Variants in PEPD observed in about 807,000 individuals in gnomAD.
The protein encoded by PEPD is xaa-Pro dipeptidase.
PEPD carries 53 observed loss-of-function variants against 60.7 expected under a neutral mutation model. The observed-to-expected ratio is 0.87, with a 90% confidence interval of 0.70 to 1.10. PEPD has a LOEUF of 1.10. PEPD is among the 50% of genes least tolerant of loss of function. The pLI is 0.00. For missense variants in PEPD, 711 were observed against 711.9 expected, an observed-to-expected ratio of 1.00 and a Z score of 0.01; for synonymous variants, 267 against 284.1, an observed-to-expected ratio of 0.94 and a Z score of 0.60.
intron 12 of PEPD, among the ~76,000 whole-genome samples, chr19:33,400,622 G>C (rs1968465720): frequency 6.6e-6 from 1 of 152,198 alleles, no homozygotes; most frequent in Non-Finnish European, 1.5e-5. Flanking sequence ...CCTAGGGGTT[G>C]GCCAGCACAT....
In PEPD at chr19:33,455,691, T is replaced by C. The variant is rs879584658; in HGVS notation, c.671+7304A>G. 1.8e-3 allele frequency among the ~76,000 whole-genome samples: 277 copies of C among 151,348 alleles called. 4 individuals are homozygous for C. Among genetic ancestry groups the C allele is most frequent in the Admixed American group, 5.0e-3 (76 of 15,160 alleles). On this transcript the variant is annotated intron_variant, in intron 9 of 14. Coordinates refer to ENST00000244137, the MANE Select transcript of PEPD (RefSeq NM_000285.4). ...CTAATTAAAAACATTTTTTTTTTTT[T>C]TTTGTAGAGGCAGAGGTCTCCTATG...
rs980137731 is a variant in PEPD at position 33,511,413 on chromosome 19, C to T, written c.202-258G>A. 2.6e-5 allele frequency: 12 copies of T among 468,896 alleles called. 1 individual carries two copies. The highest frequency in any genetic ancestry group is 2.4e-4 in the South Asian group (12 of 50,516). The allele number at this position is 468,896 out of a possible 1,614,324, so 29.0% of individuals were successfully genotyped here. On this transcript the variant is annotated intron_variant, in intron 2 of 14. Coordinates refer to ENST00000244137, the MANE Select transcript of PEPD (RefSeq NM_000285.4). ...TGTGTCAGGCATGTGCCTGAGTCCACCTGTATCCCCACCCCCGGGCCCACA... is the reference window on the plus strand; with the variant it reads ...TGTGTCAGGCATGTGCCTGAGTCCATCTGTATCCCCACCCCCGGGCCCACA...
intron 11 of PEPD, among the ~76,000 whole-genome samples, chr19:33,410,815 C>A (rs1041144516): frequency 2.0e-5 from 3 of 152,168 alleles, no homozygotes; most frequent in Admixed American, 6.5e-5. Flanking sequence ...ACAGGGCCTG[C>A]GTGGCTGTGG....
At chr19:33,434,724 G>A (rs1969341939) in intron 9 of PEPD, among the ~76,000 whole-genome samples, 1 of 152,166 alleles carries the variant, frequency 6.6e-6, no homozygotes. Flanking sequence ...CACCCAGGGT[G>A]TCCAAATCAG....
chr19:33,442,907 T>C (rs1969511392), intron 9 of PEPD, among the ~76,000 whole-genome samples: 2 of 152,132 alleles, frequency 1.3e-5, no homozygotes, highest in African/African-American at 2.4e-5. Flanking sequence ...CCACTGGCTC[T>C]CCCCACAGAA....
intron 8 of PEPD, among the ~76,000 whole-genome samples, chr19:33,463,749 T>C (rs1043983978): frequency 6.6e-6 from 1 of 152,230 alleles, no homozygotes; most frequent in Non-Finnish European, 1.5e-5. Flanking sequence ...AGGATTAGTG[T>C]CCACGACTGC....
chr19:33,498,892 C>T (rs1039690193), intron 4 of PEPD, among the ~76,000 whole-genome samples: 3 of 151,420 alleles, frequency 2.0e-5, no homozygotes, highest in Admixed American at 6.6e-5. Flanking sequence ...GTGCCCATCC[C>T]GCCAGGGTCC....
chr19:33,404,343 G>A (rs1488851973), intron 11 of PEPD, among the ~76,000 whole-genome samples: 6 of 152,152 alleles, frequency 3.9e-5, no homozygotes, highest in East Asian at 1.9e-4. Flanking sequence ...TGGGGGACAC[G>A]GATTCCTAGG....
At chr19:33,466,106 C>T (rs1057112700) in intron 7 of PEPD, among the ~76,000 whole-genome samples, 4 of 152,182 alleles carry the variant, frequency 2.6e-5, no homozygotes, top group African/African-American at 4.8e-5. Context: ...GTATGTGGCT[C>T]TGAGAAAAAC....
intron 12 of PEPD, among the ~76,000 whole-genome samples, chr19:33,396,638 G>C (rs1339443780): frequency 1.3e-5 from 2 of 150,664 alleles, no homozygotes; most frequent in Non-Finnish European, 3.0e-5. Context: ...TGGGCCCCCA[G>C]TGACAGGGGC....
At chr19:33,432,992 T>C (rs1316008622) in intron 9 of PEPD, among the ~76,000 whole-genome samples, 3 of 152,264 alleles carry the variant, frequency 2.0e-5, no homozygotes, top group Admixed American at 2.0e-4. Context: ...CTCACTGCCA[T>C]GCTGCCTGCA....
chr19:33,408,824 A>G, intron 11 of PEPD, among the ~76,000 whole-genome samples: 1 of 152,160 alleles, frequency 6.6e-6, no homozygotes, highest in East Asian at 1.9e-4. Flanking sequence ...TTTATTATTT[A>G]CCGAACGCAG....
intron 7 of PEPD, among the ~76,000 whole-genome samples, chr19:33,470,351 A>C (rs1472023156): frequency 6.6e-6 from 1 of 152,030 alleles, no homozygotes; most frequent in Non-Finnish European, 1.5e-5. Flanking sequence ...GTAAACCTCT[A>C]GTAGAGCACA....
chr19:33,510,894 C>T, intron 3 of PEPD, 134 bp downstream of exon 3: 1 of 914,348 alleles, frequency 1.1e-6, no homozygotes. Context: ...ACAGCCCTGA[C>T]CGCATGCCCT....
intron 7 of PEPD, among the ~76,000 whole-genome samples, chr19:33,474,373 C>G (rs1568489702): frequency 6.6e-6 from 1 of 152,230 alleles, no homozygotes; most frequent in Non-Finnish European, 1.5e-5. Context: ...AGAACACTTA[C>G]CTAATACACC....
rs1232314917 is a variant in PEPD at position 33,512,761 on chromosome 19, C to T, written c.33G>A (p.Leu11=). The T allele has an allele frequency of 6.2e-7, 1 of 1,614,076 alleles. No homozygotes were observed. Among genetic ancestry groups the T allele is most frequent in the Non-Finnish European group, 8.5e-7 (1 of 1,179,988 alleles). ...GCGGCACCTTCAGGGTTTCATTCCC[C>T]AGCCAAAACGAGGGTCTGCAGAGGC... The part of the protein sequence containing the change: MAAATGPSFW[L]GNETLKVPLA... Residue 11 remains leucine, a synonymous_variant, in exon 2 of 15, where the codon CTG becomes CTA. Transcript: ENST00000244137.
chr19:33,515,150 C>G (rs774699340), intron 1 of PEPD, among the ~76,000 whole-genome samples: 1 of 152,210 alleles, frequency 6.6e-6, no homozygotes, highest in Non-Finnish European at 1.5e-5. Flanking sequence ...TGACACACAG[C>G]AAACGCTCAA....
intron 7 of PEPD, among the ~76,000 whole-genome samples, chr19:33,474,615 C>T (rs796770750): frequency 6.6e-5 from 10 of 152,052 alleles, no homozygotes; most frequent in African/African-American, 2.4e-4. Flanking sequence ...ACCCGGGAGG[C>T]GGAGGTTGCA....
intron 6 of PEPD, among the ~76,000 whole-genome samples, chr19:33,482,440 T>C (rs991774283): frequency 1.3e-5 from 2 of 152,230 alleles, no homozygotes; most frequent in Non-Finnish European, 2.9e-5. Flanking sequence ...AGGGAACTTC[T>C]TCAACTTGAT....
Sources: gnomAD v4.1 joint callset for allele counts (sites outside exome capture counted in the v4.1 genomes callset) on GRCh38, gnomAD v4.1.1 for gene constraint, MANE v1.5 for transcripts, NCBI Gene and HGNC (gene_info 2026-07-23, HGNC 2026-07-21) for gene names.